The following SLC30A7 variants were observed in gnomAD, a reference collection of about 807,000 sequenced individuals.
SLC30A7 encodes the protein zinc transporter 7.
In SLC30A7, 35 loss-of-function variants were observed where a neutral mutation model predicts 46.0. The ratio of observed to expected loss-of-function variants is 0.76; its 90% confidence interval spans 0.58 to 1.01. The LOEUF (loss-of-function observed/expected upper bound fraction) is 1.01, where lower values mean the gene tolerates loss of function less well. SLC30A7 is among the 50% of genes least tolerant of loss of function. The probability of loss-of-function intolerance (pLI) is 0.00; values close to 1 mark genes in which losing one functional copy is unlikely to be tolerated. For missense variants in SLC30A7, 464 were observed against 451.1 expected (o/e 1.03, Z -0.26); for synonymous variants, 147 against 157.8 (o/e 0.93, Z 0.51).
chr1:100,983,403 AAAC>A (rs1328496293), downstream of SLC30A7, among the ~76,000 whole-genome samples: 5 of 120,766 alleles, frequency 4.1e-5, no homozygotes, highest in Non-Finnish European at 7.8e-5. Flanking sequence ...AAACAAAACA[AAAC>A]AAAAAAAACT....
At chr1:100,957,785 C>G (rs1160005338) in intron 8 of SLC30A7, among the ~76,000 whole-genome samples, 1 of 151,940 alleles carries the variant, frequency 6.6e-6, no homozygotes, top group Non-Finnish European at 1.5e-5. Flanking sequence ...ATTTTTGTGC[C>G]CATTTTCTGA....
the SLC30A7 span, among the ~76,000 whole-genome samples, chr1:100,993,162 A>G: frequency 6.6e-6 from 1 of 152,144 alleles, no homozygotes; most frequent in Non-Finnish European, 1.5e-5. Context: ...AAACTAAAGC[A>G]TCTTGGATGC....
chr1:100,909,105 G>A (rs1445305170), intron 3 of SLC30A7, among the ~76,000 whole-genome samples: 1 of 151,584 alleles, frequency 6.6e-6, no homozygotes, highest in Non-Finnish European at 1.5e-5. Context: ...AATAAAAGCT[G>A]GTACAATATT....
At chr1:100,989,164 A>G in the SLC30A7 span, among the ~76,000 whole-genome samples, 1 of 152,222 alleles carries the variant, frequency 6.6e-6, no homozygotes, top group East Asian at 1.9e-4. Flanking sequence ...ACTAGTAAGA[A>G]GAGTGTGACT....
At chr1:100,923,178 G>A (rs1359121523) in intron 8 of SLC30A7, among the ~76,000 whole-genome samples, 1 of 136,772 alleles carries the variant, frequency 7.3e-6, no homozygotes, top group African/African-American at 2.8e-5. Flanking sequence ...CACCTCGCCC[G>A]GCTAATTTTT....
the SLC30A7 span, among the ~76,000 whole-genome samples, chr1:100,993,711 T>G: frequency 1.3e-5 from 2 of 150,402 alleles, no homozygotes; most frequent in Non-Finnish European, 3.0e-5. Context: ...AATCAAGTTT[T>G]CTAGTAGCCA....
At chr1:100,896,515 G>T in intron 1 of SLC30A7, 55 bp from the exon 2 acceptor site, 1 of 1,536,292 alleles carries the variant, frequency 6.5e-7, no homozygotes, top group Non-Finnish European at 9.0e-7. Context: ...CCCAGCCTCG[G>T]GGTCCCGGCA....
At chr1:100,906,742 T>C in intron 2 of SLC30A7, 110 bp from the exon 3 acceptor site, 1 of 707,256 alleles carries the variant, frequency 1.4e-6, no homozygotes, top group Admixed American at 2.4e-5. Flanking sequence ...TAAATTGTTG[T>C]TTTAGATGGT....
intron 2 of SLC30A7, among the ~76,000 whole-genome samples, chr1:100,899,005 A>G (rs1651139115): frequency 6.6e-6 from 1 of 152,228 alleles, no homozygotes; most frequent in African/African-American, 2.4e-5. Flanking sequence ...CAAATGTTAA[A>G]TTGTTCTGGT....
chr1:100,928,135 G>A (rs1269789789), intron 8 of SLC30A7, among the ~76,000 whole-genome samples: 1 of 152,188 alleles, frequency 6.6e-6, no homozygotes, highest in Non-Finnish European at 1.5e-5. Flanking sequence ...TGACTGAAGG[G>A]GGGCAATCAG....
At chr1:100,923,004 A>ATTTTTTT (rs71084855) in intron 8 of SLC30A7, among the ~76,000 whole-genome samples, 12 of 49,138 alleles carry the variant, frequency 2.4e-4, no homozygotes, top group African/African-American at 7.4e-4. Flanking sequence ...GTTAGAATAG[A>ATTTTTTT]TTTTTTTTTT....
At chr1:100,919,324 T>G (rs1435555097) in intron 7 of SLC30A7, among the ~76,000 whole-genome samples, 3 of 152,196 alleles carry the variant, frequency 2.0e-5, no homozygotes, top group Non-Finnish European at 2.9e-5. Flanking sequence ...AATTCCCAGC[T>G]ATCTACTTGC....
rs566295725 is a variant in SLC30A7, at chr1:100,947,745, A to G, written c.843-14083A>G. Reference sequence around the variant, plus strand: ...CTGGGTGCTCCTCTGTTGGGTCCATATATATTTAGGATAGTTAGCTCTTCT... The same window carrying G: ...CTGGGTGCTCCTCTGTTGGGTCCATGTATATTTAGGATAGTTAGCTCTTCT... On this transcript the variant is annotated intron_variant, in intron 8 of 10. Transcript: ENST00000357650. 1.5e-3 allele frequency among the ~76,000 whole-genome samples: 226 copies of G among 152,268 alleles called. 1 individual carries two copies. Among genetic ancestry groups the G allele is most frequent in the Non-Finnish European group, 2.8e-3 (190 of 68,026 alleles).
At chr1:100,917,608 A>T (rs1356991469) in intron 6 of SLC30A7, among the ~76,000 whole-genome samples, 1 of 152,192 alleles carries the variant, frequency 6.6e-6, no homozygotes, top group Non-Finnish European at 1.5e-5. Context: ...AAATGAAAAA[A>T]ATTATTTTTA....
intron 8 of SLC30A7, among the ~76,000 whole-genome samples, chr1:100,940,145 A>G (rs917903425): frequency 1.3e-5 from 2 of 152,166 alleles, no homozygotes; most frequent in Non-Finnish European, 2.9e-5. Context: ...GTGGCTTACT[A>G]ATGATAAAGA....
chr1:100,966,060 G>A (rs1285784480), intron 10 of SLC30A7, 142 bp downstream of exon 10: 16 of 687,198 alleles, frequency 2.3e-5, no homozygotes, highest in South Asian at 9.8e-5. Context: ...GTGAGACCCC[G>A]TCTCTACAAA....
chr1:100,963,863 A>G (rs1001998150), intron 9 of SLC30A7, among the ~76,000 whole-genome samples: 4 of 152,158 alleles, frequency 2.6e-5, no homozygotes, highest in Admixed American at 2.6e-4. Context: ...TTATAGTACT[A>G]AAGGACATTA....
At chr1:100,962,854 T>G (rs1412596442) in intron 9 of SLC30A7, among the ~76,000 whole-genome samples, 2 of 152,222 alleles carry the variant, frequency 1.3e-5, no homozygotes, top group Non-Finnish European at 2.9e-5. Flanking sequence ...AGATTACAGT[T>G]GTAACGGTGA....
At chr1:100,933,083 C>T (rs1487785926) in intron 8 of SLC30A7, among the ~76,000 whole-genome samples, 1 of 150,618 alleles carries the variant, frequency 6.6e-6, no homozygotes, top group Non-Finnish European at 1.5e-5. Context: ...TCAGGGGATT[C>T]TCCTGCCTCA....
Sources: allele counts gnomAD v4.1 joint callset (sites outside exome capture counted in the v4.1 genomes callset), GRCh38; gene constraint gnomAD v4.1.1; transcripts MANE v1.5; gene names NCBI Gene and HGNC (gene_info 2026-07-23, HGNC 2026-07-21).